The following TMCC3 variants were observed in gnomAD, a reference collection of about 807,000 sequenced individuals.
The protein encoded by TMCC3 is transmembrane and coiled-coil domain family 3.
A neutral mutation model predicts 40.2 loss-of-function variants in TMCC3; 28 were observed. That is an observed-to-expected ratio of 0.70 (90% confidence interval 0.52 to 0.95). The LOEUF is 0.95. Among genes scored for constraint, TMCC3 ranks in the 40% least tolerant of loss-of-function variants. TMCC3 has a pLI of 0.00. For synonymous variants in TMCC3, 255 were observed against 248.5 expected (o/e 1.03, Z -0.25); for missense variants, 554 against 615.2 (o/e 0.90, Z 1.05).
At chr12:94,628,008 T>A (rs2068912800) in intron 1 of TMCC3, among the ~76,000 whole-genome samples, 1 of 152,238 alleles carries the variant, frequency 6.6e-6, no homozygotes, top group South Asian at 2.1e-4. Flanking sequence ...TTAAGTACAA[T>A]CCACATCTGT....
At chr12:94,626,503 GA>G (rs1215474293) in intron 1 of TMCC3, among the ~76,000 whole-genome samples, 4 of 152,078 alleles carry the variant, frequency 2.6e-5, no homozygotes, top group East Asian at 1.9e-4. Flanking sequence ...GAACCCTGGG[GA>G]AAAAAAGTCC....
At chr12:94,605,648 T>C (rs2068778147) in intron 1 of TMCC3, among the ~76,000 whole-genome samples, 1 of 152,184 alleles carries the variant, frequency 6.6e-6, no homozygotes, top group African/African-American at 2.4e-5. Flanking sequence ...TCATCTCTCT[T>C]CTACAGGCTC....
chr12:94,630,784 A>C (rs1359552268), intron 1 of TMCC3, among the ~76,000 whole-genome samples: 5 of 152,190 alleles, frequency 3.3e-5, no homozygotes, highest in Non-Finnish European at 7.3e-5. Context: ...GCTGGAGTGC[A>C]GTGGCACCAA....
At chr12:94,599,005 T>C (rs1372203267) in intron 1 of TMCC3, among the ~76,000 whole-genome samples, 2 of 152,128 alleles carry the variant, frequency 1.3e-5, no homozygotes, top group Non-Finnish European at 2.9e-5. Context: ...TCCAGAGCCA[T>C]GTATCCTAAA....
intron 2 of TMCC3, among the ~76,000 whole-genome samples, chr12:94,580,696 C>T (rs1158010785): frequency 6.6e-6 from 1 of 152,168 alleles, no homozygotes; most frequent in Non-Finnish European, 1.5e-5. Context: ...GATCGCACCA[C>T]TGCACTCCAG....
chr12:94,636,016 G>A lies in TMCC3; in HGVS notation c.78+14337C>T, dbSNP rs142894806. On this transcript the variant is annotated intron_variant, in intron 1 of 3. Coordinates refer to ENST00000261226, the MANE Select transcript of TMCC3 (RefSeq NM_020698.4). ...CTGAGGGGAGAGGTTGGGAAGGGAA[G>A]AGGAAGAGGACTATCAATCCAGAAT... Among the ~76,000 whole-genome samples the A allele has an allele frequency of 5.0e-3, 762 of 152,250 alleles. 5 individuals are homozygous for A. The highest frequency in any genetic ancestry group is 0.016 in the African/African-American group (655 of 41,540).
chr12:94,590,854 A>C (rs1014281411), intron 1 of TMCC3: 1 of 546,456 alleles, frequency 1.8e-6, no homozygotes, highest in African/African-American at 1.9e-5. Flanking sequence ...ACAAACTACC[A>C]ACACTGGAGA....
intron 1 of TMCC3, among the ~76,000 whole-genome samples, chr12:94,591,948 G>A (rs17022799): frequency 0.63 from 96,338 of 151,954 alleles, 30,587 homozygotes; most frequent in Admixed American, 0.66. Context: ...ATAACTCCAG[G>A]GGCTGGATAA....
At chr12:94,648,610 G>T in intron 1 of TMCC3, among the ~76,000 whole-genome samples, 1 of 152,190 alleles carries the variant, frequency 6.6e-6, no homozygotes, top group East Asian at 1.9e-4. Context: ...AGGCAACAGT[G>T]GCAGATGCGG....
intron 1 of TMCC3, among the ~76,000 whole-genome samples, chr12:94,619,167 G>A (rs2068862656): frequency 6.6e-6 from 1 of 152,186 alleles, no homozygotes. Context: ...ACTGGAGGTG[G>A]TGTTTAAAAT....
At chr12:94,618,866 G>C (rs1166552530) in intron 1 of TMCC3, among the ~76,000 whole-genome samples, 1 of 152,130 alleles carries the variant, frequency 6.6e-6, no homozygotes, top group African/African-American at 2.4e-5. Context: ...GAACTTCCCA[G>C]CTGTGAATAG....
chr12:94,608,568 T>A (rs944642658), intron 1 of TMCC3, among the ~76,000 whole-genome samples: 3 of 152,066 alleles, frequency 2.0e-5, no homozygotes, highest in South Asian at 4.2e-4. Context: ...TCCAGGTTGA[T>A]CCTCTCAGTG....
In TMCC3 at chr12:94,578,897, T is replaced by C. The variant is rs149561156; in HGVS notation, c.996-368A>G. Among the ~76,000 whole-genome samples, 183 of 152,234 alleles carry C rather than the reference T, an allele frequency of 1.2e-3. 1 individual carries two copies. The highest frequency in any genetic ancestry group is 4.2e-3 in the African/African-American group (176 of 41,532). On this transcript the variant is annotated intron_variant, in intron 2 of 3. Coordinates refer to ENST00000261226, the MANE Select transcript of TMCC3 (RefSeq NM_020698.4). ...GCTAAAGGAGGGCCAGGACCTCTGG[T>C]GTCTGTGGTGCCTTTTCCCTATTCT...
At chr12:94,586,469 C>G (rs189009926) in intron 1 of TMCC3, among the ~76,000 whole-genome samples, 83 of 152,326 alleles carry the variant, frequency 5.4e-4, no homozygotes, top group African/African-American at 1.9e-3. Context: ...TCATTTTTCA[C>G]TCAGCACTGT....
intron 1 of TMCC3, among the ~76,000 whole-genome samples, chr12:94,630,184 G>A (rs987726379): frequency 1.2e-4 from 19 of 152,052 alleles, no homozygotes; most frequent in Non-Finnish European, 1.6e-4. Flanking sequence ...GAACCCAGGA[G>A]GTGGAGGTTG....
intron 1 of TMCC3, among the ~76,000 whole-genome samples, chr12:94,630,083 T>C (rs1009340848): frequency 6.6e-6 from 1 of 152,016 alleles, no homozygotes; most frequent in Non-Finnish European, 1.5e-5. Flanking sequence ...CTGGCCAACA[T>C]GGCAAAACCC....
intron 1 of TMCC3, among the ~76,000 whole-genome samples, chr12:94,593,435 A>AG (rs2068695018): frequency 1.8e-5 from 2 of 110,908 alleles, no homozygotes; most frequent in East Asian, 3.1e-4. Context: ...AAGAAGAAGG[A>AG]GAAGGAGAAG....
intron 1 of TMCC3, among the ~76,000 whole-genome samples, chr12:94,633,550 T>G (rs2068944577): frequency 6.6e-6 from 1 of 152,244 alleles, no homozygotes; most frequent in African/African-American, 2.4e-5. Flanking sequence ...GCACCAAACA[T>G]TTGCCCCTCT....
intron 3 of TMCC3, among the ~76,000 whole-genome samples, chr12:94,572,308 T>TTTTTTC (rs2068536208): frequency 1.4e-5 from 1 of 71,740 alleles, no homozygotes; most frequent in East Asian, 2.4e-4. Flanking sequence ...GACTTCATCT[T>TTTTTTC]TTTTTTTTTT....
Sources: gnomAD v4.1 joint callset for allele counts (sites outside exome capture counted in the v4.1 genomes callset) on GRCh38, gnomAD v4.1.1 for gene constraint, MANE v1.5 for transcripts, NCBI Gene and HGNC (gene_info 2026-07-23, HGNC 2026-07-21) for gene names.